SIGLEC11: variants seen among roughly 807,000 people sequenced by gnomAD.
SIGLEC11 encodes sialic acid-binding Ig-like lectin 11.
Under a neutral mutation model 61.2 loss-of-function variants are expected in SIGLEC11, and 47 were observed. That is an observed-to-expected ratio of 0.77 (90% CI 0.61 to 0.98). The LOEUF (loss-of-function observed/expected upper bound fraction) is 0.98, where lower values mean the gene tolerates loss of function less well. SIGLEC11 is among the 50% of genes least tolerant of loss of function. SIGLEC11 has a pLI of 0.00. For missense variants in SIGLEC11, 610 were observed against 870.3 expected (o/e 0.70, Z 3.76); for synonymous variants, 278 against 373.1 (o/e 0.75, Z 2.94).
Position 49,960,575 on chromosome 19 carries a change from T to A in SIGLEC11, c.437A>T (p.Asn146Ile), listed in dbSNP as rs773559430. 2 of 1,598,292 alleles carry A rather than the reference T, an allele frequency of 1.3e-6. No individual in the cohort carries two copies. Among genetic ancestry groups the A allele is most frequent in the Non-Finnish European group, 1.7e-6 (2 of 1,178,870 alleles). ...GSRVRHSFLSNAFFLKVTALT... is the reference protein window; with the variant it reads ...GSRVRHSFLSIAFFLKVTALT... The stretch of plus-strand genomic sequence containing the variant: ...ACCTGTTACTTTTAGAAAGAACGCA[T>A]TGCTCAGGAAACTATGTCTCACACG... The change falls in exon 2 of 11, where the codon AAT becomes ATT. Residue 146 changes from asparagine (N) to isoleucine (I), a missense_variant. Coordinates refer to ENST00000447370, the MANE Select transcript of SIGLEC11 (RefSeq NM_052884.3).
intron 9 of SIGLEC11, 61 bp downstream of exon 9, chr19:49,952,237 T>C: frequency 4.6e-6 from 7 of 1,527,980 alleles, no homozygotes; most frequent in East Asian, 2.2e-5. Context: ...GCTGGGACTG[T>C]CTGGGATTCT....
Position 49,952,366 on chromosome 19 carries a change from G to A in SIGLEC11, c.1680C>T (p.Gly560=), listed in dbSNP as rs1252207750. The change falls in exon 9 of 11, where the codon GGC becomes GGT. Residue 560 remains glycine, a synonymous_variant. Coordinates refer to ENST00000447370, the MANE Select transcript of SIGLEC11 (RefSeq NM_052884.3). ...PGKLEHGGGL[G]LGAALGAGVA... is the part of the protein sequence containing the mutation. ...CGCCAGCTCCCAGGGCAGCCCCCAG[G>A]CCAAGTCCTCCCCCATGCTCCAGCT... is the stretch of plus-strand genomic sequence containing the variant. 2.5e-6 allele frequency: 4 copies of A among 1,608,560 alleles called. No individual in the cohort carries two copies. Among genetic ancestry groups the A allele is most frequent in the African/African-American group, 1.3e-5 (1 of 75,054 alleles).
At chr19:49,953,916 C>T (rs74421786) in intron 8 of SIGLEC11, among the ~76,000 whole-genome samples, 1 of 152,106 alleles carries the variant, frequency 6.6e-6, no homozygotes, top group Non-Finnish European at 1.5e-5. Flanking sequence ...AGCTAACCCC[C>T]CAAAGGTTGA....
chr19:49,960,454 C>T (rs1336014184), intron 2 of SIGLEC11, 33 bp from the exon 3 acceptor site: 23 of 1,594,430 alleles, frequency 1.4e-5, no homozygotes, highest in Non-Finnish European at 1.8e-5. Flanking sequence ...GATTCTTGTG[C>T]TGCAGGGGTC....
intron 8 of SIGLEC11, among the ~76,000 whole-genome samples, chr19:49,954,112 A>T (rs2076178798): frequency 6.6e-6 from 1 of 152,192 alleles, no homozygotes. Context: ...ACTAACCTGG[A>T]TCAAGCCCTG....
In SIGLEC11 at chr19:49,958,878, G is replaced by A. The variant is rs1424203980; in HGVS notation, c.1128C>T (p.Gly376=). ...GGCCCTCCAGGACCGGGAGGGATGT[G>A]CCGTTCCCGAGGTTTTCCAGGACTA... The part of the protein sequence containing the change: ...NRTVLENLGN[G]TSLPVLEGQS... The change falls in exon 7 of 11, where the codon GGC becomes GGT. Residue 376 remains glycine, a synonymous_variant. Transcript: ENST00000447370. The A allele has an allele frequency of 6.9e-6, 11 of 1,601,086 alleles. No individual in the cohort carries two copies. Among genetic ancestry groups the A allele is most frequent in the Middle Eastern group, 1.7e-4 (1 of 5,996 alleles).
intron 8 of SIGLEC11, among the ~76,000 whole-genome samples, chr19:49,953,303 C>G (rs1223083053): frequency 6.6e-6 from 1 of 152,140 alleles, no homozygotes; most frequent in African/African-American, 2.4e-5. Flanking sequence ...CAAGGCAGGA[C>G]CCATCCCATA....
chr19:49,954,540 G>T (rs1749645562), intron 8 of SIGLEC11, among the ~76,000 whole-genome samples: 1 of 152,126 alleles, frequency 6.6e-6, no homozygotes, highest in African/African-American at 2.4e-5. Context: ...CGGAGGTGGG[G>T]GGCAACGCAC....
intron 8 of SIGLEC11, among the ~76,000 whole-genome samples, chr19:49,953,709 G>A (rs1055046819): frequency 6.6e-6 from 1 of 152,098 alleles, no homozygotes; most frequent in East Asian, 1.9e-4. Context: ...GTTGTAGCAG[G>A]AATAAGGAAC....
rs1458293285 is a variant in SIGLEC11 at position 49,951,178 on chromosome 19, C to G, written c.1830+713G>C. 6.6e-6 allele frequency among the ~76,000 whole-genome samples: 1 copy of G among 152,180 alleles called. No individual in the cohort carries two copies. Among genetic ancestry groups the G allele is most frequent in the East Asian group, 1.9e-4 (1 of 5,200 alleles). On this transcript the variant is annotated intron_variant, in intron 10 of 10. Transcript: ENST00000447370. This position sits in a 1 kb window ranked among gnomAD's most constrained non-coding sequence, Gnocchi z 4.6. The stretch of plus-strand genomic sequence containing the variant: ...AGTCCCCCATGCCTGCGTGACCCAC[C>G]CCCAGTGAACCCTGGACCCAGGTTT...
At chr19:49,953,199 C>T (rs1195000387) in intron 8 of SIGLEC11, among the ~76,000 whole-genome samples, 3 of 152,180 alleles carry the variant, frequency 2.0e-5, no homozygotes, top group Non-Finnish European at 4.4e-5. Flanking sequence ...CCTGAGCCGG[C>T]GCCCCTACCC....
chr19:49,956,180 C>T (rs796286562), intron 8 of SIGLEC11, among the ~76,000 whole-genome samples: 1 of 152,208 alleles, frequency 6.6e-6, no homozygotes, highest in African/African-American at 2.4e-5. Flanking sequence ...CCCGAACCGA[C>T]GCCCACAAGT....
At position 49,952,382 on chromosome 19, in the gene SIGLEC11, T is replaced by C. The variant is rs1038111334; in HGVS notation, c.1664A>G (p.His555Arg). ...VFQLLPGKLE[H>R]GGGLGLGAAL... is the part of the protein sequence containing the mutation. ...AGCCCCCAGGCCAAGTCCTCCCCCA[T>C]GCTCCAGCTTCCCTGCATGGGAGCA... The change falls in exon 9 of 11, where the codon CAT becomes CGT. Residue 555 changes from histidine to arginine, a missense_variant. By Grantham distance (29) the His-to-Arg change is conservative. Around this residue, in one of 6 missense-constraint regions of SIGLEC11, gnomAD observed 432 missense variants for 441.5 expected, o/e 0.98. Transcript: ENST00000447370. The C allele has an allele frequency of 6.2e-7, 1 of 1,606,492 alleles. No homozygotes were observed. Among genetic ancestry groups the C allele is most frequent in the Non-Finnish European group, 8.5e-7 (1 of 1,179,830 alleles).
At chr19:49,956,631 A>G (rs2076198283) in intron 8 of SIGLEC11, among the ~76,000 whole-genome samples, 1 of 152,234 alleles carries the variant, frequency 6.6e-6, no homozygotes, top group Non-Finnish European at 1.5e-5. Flanking sequence ...AAAAATTAAA[A>G]AAATTGAAAA....
chr19:49,952,477 G>T, intron 8 of SIGLEC11, 83 bp from the exon 9 acceptor site: 2 of 966,422 alleles, frequency 2.1e-6, no homozygotes, highest in Admixed American at 2.6e-5. Context: ...TAGAGCTCTC[G>T]GATTCTTCAT....
Position 49,951,725 on chromosome 19 carries a change from G to A in SIGLEC11, c.1830+166C>T, listed in dbSNP as rs1402008460. On this transcript the variant is annotated intron_variant, in intron 10 of 10. Coordinates refer to ENST00000447370, the MANE Select transcript of SIGLEC11 (RefSeq NM_052884.3). The surrounding 1 kb of genome is among the most constrained non-coding windows in gnomAD (Gnocchi z 4.6). ...TGGGAGGGGATGTAGGGAGCAGTGG[G>A]GAGGGTGCCTCCCAGATCATGGGAC... is the stretch of plus-strand genomic sequence containing the variant. Among the ~76,000 whole-genome samples, 3 of 152,104 alleles carry A rather than the reference G, an allele frequency of 2.0e-5. No individual in the cohort carries two copies. The highest frequency in any genetic ancestry group is 4.4e-5 in the Non-Finnish European group (3 of 68,004).
intron 4 of SIGLEC11, 47 bp from the exon 5 acceptor site, chr19:49,959,670 GT>G (rs2076227802): frequency 3.0e-3 from 924 of 310,728 alleles, no homozygotes; most frequent in South Asian, 4.2e-3. Flanking sequence ...GAGAGAATGG[GT>G]GGGAGGGGGG....
chr19:49,949,947 G>A lies in SIGLEC11; in HGVS notation c.*23C>T. 2 of 1,413,754 alleles carry A rather than the reference G, an allele frequency of 1.4e-6. No homozygotes were observed. The highest frequency in any genetic ancestry group is 1.9e-6 in the Non-Finnish European group (2 of 1,075,054). 87.6% of individuals were successfully genotyped at this position (1,413,754 alleles called of 1,614,324 possible). On this transcript the variant is annotated 3_prime_UTR_variant, in exon 11 of 11. Transcript: ENST00000447370. ...GTGCGACTCCCACACACTTGCTGGT[G>A]TCCTGTTGCCATGGAGACCTCTTCA... is the stretch of plus-strand genomic sequence containing the variant.
rs780514710 is a variant in SIGLEC11 at position 49,949,913 on chromosome 19, G to A, written c.*57C>T. 26 of 1,352,332 alleles carry A rather than the reference G, an allele frequency of 1.9e-5. No individual in the cohort carries two copies. The highest frequency in any genetic ancestry group is 6.4e-5 in the South Asian group (3 of 47,238). 83.8% of individuals were successfully genotyped at this position (1,352,332 alleles called of 1,614,324 possible). A position where few individuals can be genotyped will look rare whatever the true frequency, so the allele number is the denominator to read the frequency against. On this transcript the variant is annotated 3_prime_UTR_variant, in exon 11 of 11. Coordinates refer to ENST00000447370, the MANE Select transcript of SIGLEC11 (RefSeq NM_052884.3). ...CTGAAATCTGAGTCCAGTTCTGGCCGTCACACCAGTGCGACTCCCACACAC... is the reference window on the plus strand; with the variant it reads ...CTGAAATCTGAGTCCAGTTCTGGCCATCACACCAGTGCGACTCCCACACAC...
Sources: allele counts gnomAD v4.1 joint callset (sites outside exome capture counted in the v4.1 genomes callset), GRCh38; gene constraint gnomAD v4.1.1; regional missense constraint gnomAD v4.1.1; non-coding constraint Gnocchi (gnomAD v3.1); transcripts MANE v1.5; gene names NCBI Gene and HGNC (gene_info 2026-07-23, HGNC 2026-07-21).